TRAPPC12: variants seen among roughly 807,000 people sequenced by gnomAD.
TRAPPC12 encodes trafficking protein particle complex subunit 12.
A neutral mutation model predicts 69.2 loss-of-function variants in TRAPPC12; 61 were observed. The ratio of observed to expected loss-of-function variants is 0.88; its 90% CI spans 0.72 to 1.09. The LOEUF is 1.09. Ranked by LOEUF, TRAPPC12 falls within the 50% of genes least tolerant of loss-of-function variation. The probability of loss-of-function intolerance (pLI) is 0.00; values close to 1 mark genes in which losing one functional copy is unlikely to be tolerated. For missense variants in TRAPPC12, 1,101 were observed against 1,016.4 expected, an observed-to-expected ratio of 1.08 and a Z score of -1.13; for synonymous variants, 469 against 438.9, an observed-to-expected ratio of 1.07 and a Z score of -0.86.
chr2:3,399,200 CAA>C (rs941611579), intron 2 of TRAPPC12, among the ~76,000 whole-genome samples: 6 of 152,224 alleles, frequency 3.9e-5, no homozygotes, highest in East Asian at 1.9e-4. Context: ...ATTTTAAGGA[CAA>C]GAGATTTTCA....
chr2:3,440,748 G>A (rs952256701), intron 5 of TRAPPC12, among the ~76,000 whole-genome samples: 2 of 152,146 alleles, frequency 1.3e-5, no homozygotes, highest in African/African-American at 4.8e-5. Context: ...TGATCTTAGG[G>A]GGAAGTCACT....
intron 3 of TRAPPC12, among the ~76,000 whole-genome samples, chr2:3,411,850 A>G (rs1662081670): frequency 6.6e-6 from 1 of 152,248 alleles, no homozygotes; most frequent in Non-Finnish European, 1.5e-5. Context: ...GTCGTTCAGA[A>G]GGTCATTCCA....
intron 8 of TRAPPC12, among the ~76,000 whole-genome samples, chr2:3,463,681 C>T (rs1665639313): frequency 1.3e-5 from 2 of 151,820 alleles, no homozygotes; most frequent in Non-Finnish European, 1.5e-5. Context: ...GCCCCCACCA[C>T]GCCCCCACCC....
At chr2:3,387,061 A>G (rs969868923) in intron 1 of TRAPPC12, among the ~76,000 whole-genome samples, 1 of 152,228 alleles carries the variant, frequency 6.6e-6, no homozygotes, top group African/African-American at 2.4e-5. Flanking sequence ...CAGGGTCTCA[A>G]AGAGCTGTTT....
intron 5 of TRAPPC12, among the ~76,000 whole-genome samples, chr2:3,426,386 C>T (rs542418481): frequency 2.6e-4 from 40 of 152,362 alleles, no homozygotes; most frequent in East Asian, 9.6e-4. Context: ...CATCCAGGGA[C>T]GTAGACGCCA....
intron 6 of TRAPPC12, chr2:3,457,091 A>G (rs1665193865): frequency 1.1e-5 from 5 of 464,120 alleles, no homozygotes; most frequent in South Asian, 4.7e-5. Flanking sequence ...AAGATGGTGC[A>G]CATACACTGT....
At chr2:3,385,397 C>T (rs533472564) in intron 1 of TRAPPC12, among the ~76,000 whole-genome samples, 11 of 151,984 alleles carry the variant, frequency 7.2e-5, no homozygotes, top group Non-Finnish European at 1.6e-4. Context: ...TTTGGACATT[C>T]CCATTTTATC....
chr2:3,451,684 T>C (rs1664858143), intron 6 of TRAPPC12, among the ~76,000 whole-genome samples: 1 of 151,996 alleles, frequency 6.6e-6, no homozygotes, highest in Non-Finnish European at 1.5e-5. Flanking sequence ...CCACCAAGCC[T>C]GGCTAATTTT....
At chr2:3,429,696 A>G (rs1663320184) in intron 5 of TRAPPC12, among the ~76,000 whole-genome samples, 1 of 152,100 alleles carries the variant, frequency 6.6e-6, no homozygotes, top group African/African-American at 2.4e-5. Context: ...TTTCTGTTCT[A>G]ATAGCTTTTT....
At chr2:3,394,623 G>A (rs1001968882) in intron 2 of TRAPPC12, among the ~76,000 whole-genome samples, 1 of 149,342 alleles carries the variant, frequency 6.7e-6, no homozygotes, top group Non-Finnish European at 1.5e-5. Flanking sequence ...TTTGTCTGAG[G>A]TTAAAAAAAA....
intron 3 of TRAPPC12, among the ~76,000 whole-genome samples, chr2:3,417,303 A>G (rs1005299728): frequency 6.6e-6 from 1 of 151,232 alleles, no homozygotes; most frequent in South Asian, 2.1e-4. Context: ...GGTCTCTCTC[A>G]CCCTCTAGGG....
chr2:3,401,963 C>T, intron 3 of TRAPPC12, 70 bp downstream of exon 3: 1 of 1,067,022 alleles, frequency 9.4e-7, no homozygotes, highest in Non-Finnish European at 1.3e-6. Flanking sequence ...AATATTTTCT[C>T]TAGAAGTCAA....
chr2:3,421,605 G>T lies in TRAPPC12; in HGVS notation c.1165-276G>T, dbSNP rs909709503. On this transcript the variant is annotated intron_variant, in intron 3 of 11. Transcript: ENST00000324266. ...TTCCAATAAAAAGCCTCTTCCCGAT[G>T]TTCTATCGGTTGTTGAATTGTAATG... 4.7e-5 allele frequency: 31 copies of T among 660,606 alleles called. No individual in the cohort carries two copies. The East Asian group carries it at 9.4e-4, about 20-fold the overall frequency. The allele number at this position is 660,606 out of a possible 1,614,324, so 40.9% of individuals were successfully genotyped here.
At chr2:3,459,156 A>G (rs1665346692) in intron 7 of TRAPPC12, among the ~76,000 whole-genome samples, 1 of 152,214 alleles carries the variant, frequency 6.6e-6, no homozygotes, top group Non-Finnish European at 1.5e-5. Flanking sequence ...TCACAGCCTC[A>G]GAGGCAGCCA....
At chr2:3,393,113 T>TAAA (rs11433361) in intron 2 of TRAPPC12, among the ~76,000 whole-genome samples, 7 of 150,316 alleles carry the variant, frequency 4.7e-5, no homozygotes, top group African/African-American at 1.7e-4. Flanking sequence ...TGTCTCTTTT[T>TAAA]AAAAAAAAAA....
intron 6 of TRAPPC12, among the ~76,000 whole-genome samples, chr2:3,452,252 A>C (rs1350951847): frequency 1.3e-5 from 2 of 152,020 alleles, no homozygotes; most frequent in African/African-American, 2.4e-5. Flanking sequence ...TGTGCGTCTC[A>C]CAGCATAGCA....
chr2:3,457,347 C>G, intron 6 of TRAPPC12: 1 of 478,624 alleles, frequency 2.1e-6, no homozygotes, highest in South Asian at 2.0e-5. Flanking sequence ...CCCATGCTGA[C>G]TACCTGGGTG....
chr2:3,461,335 G>A (rs973806104), intron 8 of TRAPPC12, among the ~76,000 whole-genome samples: 10 of 152,216 alleles, frequency 6.6e-5, no homozygotes, highest in Admixed American at 2.6e-4. Flanking sequence ...AGGAAGACGT[G>A]CAGCCCGCAC....
intron 2 of TRAPPC12, among the ~76,000 whole-genome samples, chr2:3,397,922 A>C (rs529512420): frequency 6.6e-6 from 1 of 152,246 alleles, no homozygotes; most frequent in Non-Finnish European, 1.5e-5. Flanking sequence ...GTGGTCCAAA[A>C]AGTGCCATTG....
Sources: gnomAD v4.1 joint callset for allele counts (sites outside exome capture counted in the v4.1 genomes callset) on GRCh38, gnomAD v4.1.1 for gene constraint, MANE v1.5 for transcripts, NCBI Gene and HGNC (gene_info 2026-07-23, HGNC 2026-07-21) for gene names.